The following CEP89 variants were observed in gnomAD, a reference collection of about 807,000 sequenced individuals.
The protein encoded by CEP89 is centrosomal protein 89, also known as centrosomal protein of 89 kDa.
Under a neutral mutation model 97.6 loss-of-function variants are expected in CEP89, and 95 were observed. The observed-to-expected ratio is 0.97, with a 90% CI of 0.82 to 1.15. CEP89 has a LOEUF of 1.15. CEP89 is among the 50% of genes most tolerant of loss of function. CEP89 has a pLI of 0.00. For synonymous variants in CEP89, 354 were observed against 349.1 expected (o/e 1.01, Z -0.16); for missense variants, 869 against 947.7 (o/e 0.92, Z 1.09).
intron 15 of CEP89, among the ~76,000 whole-genome samples, 160 bp from the exon 16 acceptor site, chr19:32,900,158 A>C (rs1969733849): frequency 6.6e-6 from 1 of 152,198 alleles, no homozygotes; most frequent in South Asian, 2.1e-4. Flanking sequence ...AGAAGAGGTA[A>C]CTGAATTTAA....
intron 14 of CEP89, among the ~76,000 whole-genome samples, chr19:32,901,632 G>A (rs368078211): frequency 2.0e-5 from 3 of 151,408 alleles, no homozygotes; most frequent in Non-Finnish European, 2.9e-5. Context: ...CACACACTAC[G>A]TGTGTGTCTG....
intron 14 of CEP89, among the ~76,000 whole-genome samples, chr19:32,912,814 G>A (rs974851180): frequency 2.0e-5 from 3 of 151,400 alleles, no homozygotes; most frequent in Non-Finnish European, 4.4e-5. Flanking sequence ...AGGCTGAGGC[G>A]GGTGGATCAC....
At chr19:32,938,148 G>A (rs913484601) in intron 6 of CEP89, among the ~76,000 whole-genome samples, 2 of 151,982 alleles carry the variant, frequency 1.3e-5, no homozygotes, top group African/African-American at 2.4e-5. Context: ...GACCTTAAGT[G>A]TCTTCCCCTC....
At chr19:32,935,631 C>T (rs73051177) in intron 7 of CEP89, among the ~76,000 whole-genome samples, 21,615 of 152,110 alleles carry the variant, frequency 0.14, 1,934 homozygotes, top group Non-Finnish European at 0.21. Flanking sequence ...GTTAATCTGA[C>T]GCGGAGGAGA....
intron 5 of CEP89, among the ~76,000 whole-genome samples, chr19:32,942,593 T>C (rs1302385652): frequency 6.6e-6 from 1 of 152,202 alleles, no homozygotes; most frequent in African/African-American, 2.4e-5. Context: ...AAGATTAAAC[T>C]TACAATTTAC....
intron 5 of CEP89, among the ~76,000 whole-genome samples, chr19:32,945,372 T>C (rs1970775989): frequency 6.6e-6 from 1 of 150,558 alleles, no homozygotes; most frequent in Non-Finnish European, 1.5e-5. Context: ...TTTTCAGAAG[T>C]ATGCAGGGGC....
At chr19:32,935,292 G>A (rs1970556565) in intron 7 of CEP89, among the ~76,000 whole-genome samples, 1 of 152,174 alleles carries the variant, frequency 6.6e-6, no homozygotes, top group East Asian at 1.9e-4. Context: ...AACAGAGGTA[G>A]CATCCCCATG....
intron 17 of CEP89, among the ~76,000 whole-genome samples, chr19:32,886,400 ACT>A (rs1234876898): frequency 2.0e-5 from 3 of 150,976 alleles, no homozygotes; most frequent in Admixed American, 6.6e-5. Context: ...CCCATCTCCC[ACT>A]CTCTGAATTC....
intron 2 of CEP89, 125 bp from the exon 3 acceptor site, chr19:32,960,183 C>T (rs1971137757): frequency 1.1e-6 from 1 of 916,962 alleles, no homozygotes; most frequent in Non-Finnish European, 1.7e-6. Flanking sequence ...ATTTACTCTG[C>T]ACCCATCATC....
At chr19:32,971,268 T>C (rs1341822735) in intron 1 of CEP89, 8 of 390,168 alleles carry the variant, frequency 2.1e-5, no homozygotes, top group Non-Finnish European at 4.5e-6. Flanking sequence ...AAATGAAGAA[T>C]GGCTATATCC....
intron 16 of CEP89, among the ~76,000 whole-genome samples, chr19:32,888,802 TTTTATTTA>T (rs889678123): frequency 1.3e-5 from 2 of 151,904 alleles, no homozygotes; most frequent in Non-Finnish European, 2.9e-5. Context: ...TTTCTTTTTG[TTTTATTTA>T]TTTATTTATT....
At chr19:32,941,469 C>CTCCA (rs764870263) in intron 5 of CEP89, among the ~76,000 whole-genome samples, 6 of 152,082 alleles carry the variant, frequency 3.9e-5, no homozygotes, top group Non-Finnish European at 7.4e-5. Context: ...TAACATGACA[C>CTCCA]TCCAGCCTGC....
intron 16 of CEP89, among the ~76,000 whole-genome samples, chr19:32,891,178 C>T (rs1453061446): frequency 1.3e-5 from 2 of 152,244 alleles, no homozygotes; most frequent in Admixed American, 1.3e-4. Flanking sequence ...CCCACCCCCT[C>T]CAGCCGCAGA....
intron 14 of CEP89, among the ~76,000 whole-genome samples, chr19:32,911,057 C>T (rs1969990289): frequency 6.6e-6 from 1 of 152,154 alleles, no homozygotes; most frequent in Admixed American, 6.5e-5. Context: ...CTGGCAGTGC[C>T]GTAGGTTTGT....
Position 32,878,163 on chromosome 19 carries a change from G to C in CEP89, c.*999C>G, listed in dbSNP as rs1969204582. The stretch of plus-strand genomic sequence containing the variant: ...ACCTACTCAGGAGGCTGGGATGGGA[G>C]GATCGCTTGAGCCTGGAGGTCAAGG... On this transcript the variant is annotated 3_prime_UTR_variant, in exon 19 of 19. Transcript: ENST00000305768. 6.6e-6 allele frequency: 1 copy of C among 152,196 alleles called. No homozygotes were observed. The highest frequency in any genetic ancestry group is 2.1e-4 in the South Asian group (1 of 4,828). 9.4% of individuals were successfully genotyped at this position (152,196 alleles called of 1,614,324 possible).
chr19:32,917,422 G>A (rs1970150454), intron 13 of CEP89, among the ~76,000 whole-genome samples: 1 of 152,142 alleles, frequency 6.6e-6, no homozygotes, highest in South Asian at 2.1e-4. Context: ...GCAACAGCAG[G>A]GGCTGTTCAT....
At chr19:32,935,387 G>A (rs778343391) in intron 7 of CEP89, among the ~76,000 whole-genome samples, 5 of 152,142 alleles carry the variant, frequency 3.3e-5, no homozygotes, top group Non-Finnish European at 7.4e-5. Flanking sequence ...GAAGAGAAGG[G>A]GCTGCAACAC....
intron 15 of CEP89, among the ~76,000 whole-genome samples, chr19:32,900,242 G>T (rs1969735718): frequency 8.9e-6 from 1 of 111,924 alleles, no homozygotes. Context: ...CAATGAATAG[G>T]TTCATTTTTT....
chr19:32,892,949 A>G (rs1393074608), intron 16 of CEP89, among the ~76,000 whole-genome samples: 1 of 152,194 alleles, frequency 6.6e-6, no homozygotes, highest in African/African-American at 2.4e-5. Flanking sequence ...TTATCACTAT[A>G]GAATAATAAG....
Sources: allele counts gnomAD v4.1 joint callset (sites outside exome capture counted in the v4.1 genomes callset), GRCh38; gene constraint gnomAD v4.1.1; transcripts MANE v1.5; gene names NCBI Gene and HGNC (gene_info 2026-07-23, HGNC 2026-07-21).